The following TSNARE1 variants were observed in gnomAD, a reference collection of about 807,000 sequenced individuals.
The protein encoded by TSNARE1 is t-SNARE domain-containing protein 1.
A neutral mutation model predicts 62.0 loss-of-function variants in TSNARE1; 49 were observed. The ratio of observed to expected loss-of-function variants is 0.79; its 90% CI spans 0.63 to 1.00. The LOEUF is 1.00. Ranked by LOEUF, TSNARE1 falls within the 50% of genes least tolerant of loss-of-function variation. The probability of loss-of-function intolerance (pLI) is 0.00; values close to 1 mark genes in which losing one functional copy is unlikely to be tolerated. For synonymous variants in TSNARE1, 328 were observed against 294.4 expected (o/e 1.11, Z -1.17); for missense variants, 755 against 700.1 (o/e 1.08, Z -0.88).
At chr8:142,222,103 CA>C (rs1563754546) in intron 13 of TSNARE1, among the ~76,000 whole-genome samples, 21 of 10,918 alleles carry the variant, frequency 1.9e-3, no homozygotes, top group South Asian at 9.1e-3. Flanking sequence ...TCATCCACTC[CA>C]CTCACTCATC....
chr8:142,229,392 T>C, intron 13 of TSNARE1, 81 bp downstream of exon 13: 1 of 1,133,084 alleles, frequency 8.8e-7, no homozygotes, highest in Non-Finnish European at 1.3e-6. Flanking sequence ...GGTGGATGGT[T>C]AGATGGATGG....
At chr8:142,221,508 T>C (rs1816208304) in intron 13 of TSNARE1, among the ~76,000 whole-genome samples, 1 of 152,266 alleles carries the variant, frequency 6.6e-6, no homozygotes, top group Admixed American at 6.5e-5. Context: ...TGAAAAATAC[T>C]TGATTGATCG....
chr8:142,309,269 C>T (rs1251302458), intron 9 of TSNARE1, among the ~76,000 whole-genome samples: 1 of 152,080 alleles, frequency 6.6e-6, no homozygotes, highest in Non-Finnish European at 1.5e-5. Context: ...TGCCATACTG[C>T]GTTGGATACA....
intron 1 of TSNARE1, among the ~76,000 whole-genome samples, chr8:142,402,473 T>C (rs1176862652): frequency 1.3e-5 from 2 of 152,198 alleles, no homozygotes; most frequent in East Asian, 1.9e-4. Flanking sequence ...GAGTGCGCCA[T>C]GAGGCAACAA....
chr8:142,340,792 A>C (rs895251829), intron 4 of TSNARE1, among the ~76,000 whole-genome samples: 15 of 152,164 alleles, frequency 9.9e-5, no homozygotes, highest in Non-Finnish European at 2.9e-5. Flanking sequence ...CCAGGGCCAC[A>C]TGACCCAGCC....
At chr8:142,273,869 C>G (rs140987536) in intron 12 of TSNARE1, 1 of 985,244 alleles carries the variant, frequency 1.0e-6, no homozygotes, top group African/African-American at 1.7e-5. Flanking sequence ...GATATCCCAG[C>G]GTCCTGGGGA....
At chr8:142,362,197 T>C (rs1327183518) in intron 1 of TSNARE1, among the ~76,000 whole-genome samples, 3 of 152,282 alleles carry the variant, frequency 2.0e-5, no homozygotes, top group Admixed American at 2.0e-4. Flanking sequence ...CCAGGAAAAG[T>C]GAGCACCTTG....
rs1815952295 is a variant in TSNARE1 at position 142,217,712 on chromosome 8, G to T, written c.*12-5399C>A. 2.0e-5 allele frequency among the ~76,000 whole-genome samples: 3 copies of T among 152,234 alleles called. No individual in the cohort carries two copies. In the South Asian group the frequency reaches 6.2e-4, roughly 31 times the overall value. ...GGTTTAGGTTCAGCCTGTGACCAAG[G>T]TCAGGGCTCAAAATGTAACTAGAAT... is the stretch of plus-strand genomic sequence containing the variant. On this transcript the variant is annotated intron_variant, in intron 13 of 13. Coordinates refer to ENST00000524325, the MANE Select transcript of TSNARE1 (RefSeq NM_145003.5).
At chr8:142,294,715 C>T (rs1175348330) in intron 10 of TSNARE1, among the ~76,000 whole-genome samples, 1 of 152,236 alleles carries the variant, frequency 6.6e-6, no homozygotes, top group Non-Finnish European at 1.5e-5. Flanking sequence ...GACAGGCAGA[C>T]AGCTGAGAGT....
chr8:142,270,888 C>T (rs192668275), intron 12 of TSNARE1: 54 of 985,458 alleles, frequency 5.5e-5, no homozygotes, highest in Non-Finnish European at 6.4e-5. Flanking sequence ...CAGGTCACCA[C>T]CCTCTACAGG....
At chr8:142,253,483 C>T (rs78871993) in intron 12 of TSNARE1, among the ~76,000 whole-genome samples, 1 of 148,758 alleles carries the variant, frequency 6.7e-6, no homozygotes, top group Non-Finnish European at 1.5e-5. Flanking sequence ...GGTCACCCCC[C>T]AGTCACCAGC....
chr8:142,268,503 C>T (rs1261127013), intron 12 of TSNARE1, among the ~76,000 whole-genome samples: 1 of 152,202 alleles, frequency 6.6e-6, no homozygotes, highest in African/African-American at 2.4e-5. Flanking sequence ...AGGGAAGCCC[C>T]CGACACTCTA....
chr8:142,323,262 A>T (rs1829752877), intron 6 of TSNARE1, among the ~76,000 whole-genome samples: 1 of 152,240 alleles, frequency 6.6e-6, no homozygotes, highest in Admixed American at 6.5e-5. Context: ...AACTGATTCT[A>T]AAATGTATAC....
At chr8:142,218,439 A>T (rs968346144) in intron 13 of TSNARE1, among the ~76,000 whole-genome samples, 6 of 152,182 alleles carry the variant, frequency 3.9e-5, no homozygotes, top group African/African-American at 1.2e-4. Flanking sequence ...CTTGGAGCAC[A>T]GACCACTCAG....
At chr8:142,337,489 C>T (rs1189337261) in intron 4 of TSNARE1, among the ~76,000 whole-genome samples, 1 of 152,360 alleles carries the variant, frequency 6.6e-6, no homozygotes, top group East Asian at 1.9e-4. Flanking sequence ...ACATGCCTGC[C>T]GCCCAGCAAT....
chr8:142,368,661 G>A (rs1335700388), intron 1 of TSNARE1, among the ~76,000 whole-genome samples: 2 of 152,162 alleles, frequency 1.3e-5, no homozygotes, highest in Non-Finnish European at 2.9e-5. Context: ...CTTCTCCATG[G>A]GCTCAAGAGA....
intron 12 of TSNARE1, among the ~76,000 whole-genome samples, chr8:142,241,482 T>C (rs1195564329): frequency 6.6e-6 from 1 of 152,128 alleles, no homozygotes; most frequent in Non-Finnish European, 1.5e-5. Flanking sequence ...AATTCCAACA[T>C]TTTTTCACAG....
intron 2 of TSNARE1, among the ~76,000 whole-genome samples, chr8:142,349,067 C>A (rs547459766): frequency 9.8e-5 from 15 of 152,290 alleles, no homozygotes; most frequent in African/African-American, 3.4e-4. Flanking sequence ...CACAGAAGGC[C>A]AAGAGCTGAG....
At chr8:142,389,231 C>T (rs1837314352) in intron 1 of TSNARE1, among the ~76,000 whole-genome samples, 1 of 152,148 alleles carries the variant, frequency 6.6e-6, no homozygotes, top group Admixed American at 6.5e-5. Flanking sequence ...CATCTCACAC[C>T]ATATACAAGA....
Sources: allele counts gnomAD v4.1 joint callset (sites outside exome capture counted in the v4.1 genomes callset), GRCh38; gene constraint gnomAD v4.1.1; transcripts MANE v1.5; gene names NCBI Gene and HGNC (gene_info 2026-07-23, HGNC 2026-07-21).